The following MAP7D2 variants were observed in gnomAD, a reference collection of about 807,000 sequenced individuals.
MAP7D2 encodes the protein MAP7 domain containing 2.
In MAP7D2, 33 loss-of-function variants were observed where a neutral mutation model predicts 63.5. The observed-to-expected ratio is 0.52, with a 90% CI of 0.39 to 0.70. MAP7D2 has a LOEUF of 0.70. Ranked by LOEUF, MAP7D2 falls within the 30% of genes least tolerant of loss-of-function variation. The probability of loss-of-function intolerance (pLI) is 0.00; values close to 1 mark genes in which losing one functional copy is unlikely to be tolerated. For synonymous variants in MAP7D2, 224 were observed against 223.7 expected (o/e 1.00, Z -0.01); for missense variants, 626 against 604.0 (o/e 1.04, Z -0.38).
chrX:20,068,217 G>C (rs768633176), intron 1 of MAP7D2, among the ~76,000 whole-genome samples: 2 of 112,292 alleles, frequency 1.8e-5, no homozygotes, highest in South Asian at 7.4e-4. Flanking sequence ...TCAAAATTAA[G>C]TACAGTTACA....
chrX:20,071,591 G>C, intron 1 of MAP7D2, among the ~76,000 whole-genome samples: 1 of 111,992 alleles, frequency 8.9e-6, no homozygotes, highest in Non-Finnish European at 1.9e-5. Flanking sequence ...CCCACACCTT[G>C]AGAACCAGTG....
At chrX:20,076,246 A>G (rs1339440407) in intron 1 of MAP7D2, among the ~76,000 whole-genome samples, 1 of 111,374 alleles carries the variant, frequency 9.0e-6, no homozygotes, top group Non-Finnish European at 1.9e-5. Context: ...TTAAATGGTG[A>G]TAATAAGTCA....
chrX:20,035,919 A>T lies in MAP7D2; in HGVS notation c.1007+6583T>A, dbSNP rs902698044. Among the ~76,000 whole-genome samples the T allele has an allele frequency of 1.6e-3, 99 of 63,183 alleles. No individual in the cohort carries two copies. In the Admixed American group the frequency reaches 0.016, roughly 10 times the overall value. The allele number at this position is 63,183 out of a possible 115,157, so 54.9% of individuals were successfully genotyped here. ...CAGAGCAAGACTCCGTCTCAAAAAA[A>T]ATATATATGTGTGTGTGTGTGTGTG... On this transcript the variant is annotated intron_variant, in intron 8 of 16. Transcript: ENST00000379643.
At chrX:20,051,044 T>TG in intron 5 of MAP7D2, 98 bp from the exon 6 acceptor site, 1 of 696,929 alleles carries the variant, frequency 1.4e-6, no homozygotes, top group African/African-American at 2.2e-5. Flanking sequence ...AATTAACTTT[T>TG]GGGTGGCAGA....
At chrX:20,108,421 G>C (rs2066631558) in intron 1 of MAP7D2, among the ~76,000 whole-genome samples, 1 of 109,061 alleles carries the variant, frequency 9.2e-6, no homozygotes, top group African/African-American at 3.3e-5. Context: ...TTTTAGTAGA[G>C]GCGGGGTTTC....
intron 6 of MAP7D2, among the ~76,000 whole-genome samples, chrX:20,050,085 G>A (rs909355494): frequency 8.9e-6 from 1 of 112,197 alleles, no homozygotes; most frequent in Non-Finnish European, 1.9e-5. Context: ...AGAACAGAGA[G>A]TAGACCTGAC....
intron 1 of MAP7D2, among the ~76,000 whole-genome samples, chrX:20,108,719 A>C (rs1220938122): frequency 1.9e-5 from 2 of 106,719 alleles, no homozygotes; most frequent in African/African-American, 7.0e-5. Context: ...TTGGAAATTT[A>C]CAAAAAAAAA....
chrX:20,022,216 C>A (rs966226101), intron 10 of MAP7D2, among the ~76,000 whole-genome samples: 2 of 111,539 alleles, frequency 1.8e-5, no homozygotes, highest in Non-Finnish European at 3.8e-5. Context: ...AGTAAAAGCA[C>A]AGCTTTGGAG....
Position 20,012,421 on chromosome X carries a change from T to C in MAP7D2, c.2000A>G (p.His667Arg), listed in dbSNP as rs2073233835. ...TGATTTCCCATCAAGGGCATCCAGA[T>C]GAATGAGTCCCCCAGCTGGCTTAAG... ...NGLKPAGGLI[H>R]LDALDGKSNS... The change falls in exon 15 of 17, where the codon CAT becomes CGT. Residue 667 changes from histidine (H) to arginine (R), a missense_variant. Coordinates refer to ENST00000379643, the MANE Select transcript of MAP7D2 (RefSeq NM_001168465.2). 8.3e-7 allele frequency: 1 copy of C among 1,210,130 alleles called. No homozygotes were observed. Among genetic ancestry groups the C allele is most frequent in the Non-Finnish European group, 1.1e-6 (1 of 894,395 alleles).
chrX:20,114,094 C>T (rs1167879763), intron 1 of MAP7D2, among the ~76,000 whole-genome samples: 3 of 112,113 alleles, frequency 2.7e-5, no homozygotes, highest in African/African-American at 6.5e-5. Context: ...AGTACAGTGG[C>T]GCGAGGTCAG....
intron 8 of MAP7D2, among the ~76,000 whole-genome samples, chrX:20,040,564 G>A (rs957573019): frequency 9.0e-6 from 1 of 111,069 alleles, no homozygotes; most frequent in Admixed American, 9.7e-5. Flanking sequence ...CCTTTTACTT[G>A]GACACTAAGA....
intron 1 of MAP7D2, among the ~76,000 whole-genome samples, chrX:20,094,503 T>TAC (rs1161884881): frequency 1.9e-4 from 4 of 20,573 alleles, no homozygotes; most frequent in Admixed American, 9.2e-4. Flanking sequence ...TATATATATA[T>TAC]ATATATATAT....
chrX:20,061,653 G>A (rs2065228400), intron 3 of MAP7D2, among the ~76,000 whole-genome samples: 5 of 112,532 alleles, frequency 4.4e-5, no homozygotes, highest in Middle Eastern at 4.6e-3. Context: ...AAAAGATTCA[G>A]CTGCATCAGG....
At chrX:20,034,331 T>C (rs1436036493) in intron 8 of MAP7D2, among the ~76,000 whole-genome samples, 1 of 109,091 alleles carries the variant, frequency 9.2e-6, no homozygotes, top group Non-Finnish European at 1.9e-5. Context: ...AGGTGGGTCA[T>C]TTGAGCTCAG....
chrX:20,041,669 C>T (rs2064658544), intron 8 of MAP7D2, among the ~76,000 whole-genome samples: 1 of 111,819 alleles, frequency 8.9e-6, no homozygotes, highest in South Asian at 3.7e-4. Flanking sequence ...TCCTATATTC[C>T]CAAATTAAAT....
rs201124124 is a variant in MAP7D2 at position 20,060,416 on chromosome X, AAG to A, written c.372+2996_372+2997del. Among the ~76,000 whole-genome samples the A allele has an allele frequency of 2.7e-4, 23 of 85,966 alleles. 1 individual carries two copies. Among genetic ancestry groups the A allele is most frequent in the Admixed American group, 1.1e-3 (8 of 7,168 alleles). The allele number at this position is 85,966 out of a possible 115,157, so 74.7% of individuals were successfully genotyped here. The stretch of plus-strand genomic sequence containing the variant: ...AAAGAAAGAAAAGAAAAGAAAAGAA[AAG>A]AGAGAGAGAGAGAGAGAAAGAAAGA... On this transcript the variant is annotated intron_variant, in intron 3 of 16. Transcript: ENST00000379643.
intron 1 of MAP7D2, among the ~76,000 whole-genome samples, chrX:20,108,267 C>T (rs2066625865): frequency 1.8e-5 from 2 of 108,362 alleles, no homozygotes; most frequent in South Asian, 8.3e-4. Context: ...CAGAGTCTCA[C>T]TCTGTCACCT....
rs1004609972 is a variant in MAP7D2 at position 20,113,616 on chromosome X, C to T, written c.130+3134G>A. ...AACTTTGAAAAAGGATGAAGAACTC[C>T]GATTTCTTGGGGACCCAATGCCTTT... On this transcript the variant is annotated intron_variant, in intron 1 of 16. Coordinates refer to ENST00000379643, the MANE Select transcript of MAP7D2 (RefSeq NM_001168465.2). Among the ~76,000 whole-genome samples the T allele has an allele frequency of 9.0e-5, 10 of 111,672 alleles. No individual in the cohort carries two copies. In the East Asian group the frequency reaches 2.2e-3, roughly 25 times the overall value.
chrX:20,104,612 AT>A (rs749892129), intron 1 of MAP7D2, among the ~76,000 whole-genome samples: 1 of 112,356 alleles, frequency 8.9e-6, no homozygotes, highest in African/African-American at 3.2e-5. Context: ...AGAATTAGTG[AT>A]TTTTTTAAAA....
Sources: gnomAD v4.1 joint callset for allele counts (sites outside exome capture counted in the v4.1 genomes callset) on GRCh38, gnomAD v4.1.1 for gene constraint, MANE v1.5 for transcripts, NCBI Gene and HGNC (gene_info 2026-07-23, HGNC 2026-07-21) for gene names.